IL1RAPL1: variants seen among roughly 807,000 people sequenced by gnomAD.
IL1RAPL1 encodes the protein interleukin-1 receptor accessory protein-like 1.
Under a neutral mutation model 48.4 loss-of-function variants are expected in IL1RAPL1, and 3 were observed. The observed-to-expected ratio is 0.06, with a 90% CI of 0.03 to 0.16. The LOEUF (loss-of-function observed/expected upper bound fraction) is 0.16, where lower values mean the gene tolerates loss of function less well. Among genes scored for constraint, IL1RAPL1 ranks in the 10% least tolerant of loss-of-function variants. IL1RAPL1 has a pLI of 1.00. For missense variants in IL1RAPL1, 349 were observed against 530.6 expected, an observed-to-expected ratio of 0.66 and a Z score of 3.36; for synonymous variants, 185 against 187.7, an observed-to-expected ratio of 0.99 and a Z score of 0.12.
intron 5 of IL1RAPL1, among the ~76,000 whole-genome samples, chrX:29,495,096 A>G (rs1475224091): frequency 8.9e-6 from 1 of 112,223 alleles, no homozygotes; most frequent in Non-Finnish European, 1.9e-5. Flanking sequence ...AGGTCTTTCA[A>G]TTCCCAGCTC....
intron 2 of IL1RAPL1, among the ~76,000 whole-genome samples, chrX:28,904,493 C>T (rs1018784419): frequency 6.2e-5 from 7 of 112,044 alleles, no homozygotes; most frequent in Non-Finnish European, 9.4e-5. Context: ...CACAATAAAT[C>T]ATTATTATCA....
At chrX:28,798,549 AC>A (rs1936639893) in intron 2 of IL1RAPL1, among the ~76,000 whole-genome samples, 1 of 111,633 alleles carries the variant, frequency 9.0e-6, no homozygotes. Flanking sequence ...TTGGAAACGT[AC>A]CTTTTGCCAT....
At chrX:29,551,939 A>G (rs1256639673) in intron 5 of IL1RAPL1, among the ~76,000 whole-genome samples, 1 of 111,330 alleles carries the variant, frequency 9.0e-6, no homozygotes, top group Non-Finnish European at 1.9e-5. Flanking sequence ...CTTAACACAT[A>G]TTGCAGGAAG....
In IL1RAPL1 at chrX:29,028,651, T is replaced by C. The variant is rs141295059; in HGVS notation, c.82+239226T>C. ...ACATATGAGTGAGATCGTTGGCATA[T>C]TTGTATTTCTGTCGCTGATTTTTTT... On this transcript the variant is annotated intron_variant, in intron 2 of 10. Coordinates refer to ENST00000378993, the MANE Select transcript of IL1RAPL1 (RefSeq NM_014271.4). 1.1e-3 allele frequency among the ~76,000 whole-genome samples: 124 copies of C among 111,422 alleles called. 1 individual carries two copies. In the East Asian group the frequency reaches 0.03, roughly 27 times the overall value.
At chrX:29,112,887 C>T (rs1236737704) in intron 2 of IL1RAPL1, among the ~76,000 whole-genome samples, 2 of 107,755 alleles carry the variant, frequency 1.9e-5, no homozygotes, top group Non-Finnish European at 3.8e-5. Context: ...GCAACCTCCG[C>T]CCCCCAGGTT....
intron 2 of IL1RAPL1, among the ~76,000 whole-genome samples, chrX:29,254,603 A>T (rs16988483): frequency 0.097 from 10,825 of 111,228 alleles, 1,304 homozygotes; most frequent in African/African-American, 0.34. Flanking sequence ...GTATGCATTT[A>T]TACAGTGGAC....
At chrX:29,448,165 G>T (rs1240206236) in intron 5 of IL1RAPL1, among the ~76,000 whole-genome samples, 1 of 111,437 alleles carries the variant, frequency 9.0e-6, no homozygotes, top group Non-Finnish European at 1.9e-5. Flanking sequence ...CAAAACACTT[G>T]ATTTAGAAAG....
intron 6 of IL1RAPL1, among the ~76,000 whole-genome samples, chrX:29,795,254 C>A (rs779562689): frequency 2.1e-4 from 24 of 111,728 alleles, no homozygotes; most frequent in African/African-American, 7.8e-4. Flanking sequence ...TTACCTATCT[C>A]TATACACATA....
intron 2 of IL1RAPL1, among the ~76,000 whole-genome samples, chrX:28,842,115 T>C (rs1601927192): frequency 9.1e-6 from 1 of 110,082 alleles, no homozygotes; most frequent in Admixed American, 9.7e-5. Context: ...TCAATACTTA[T>C]GAACATTTTA....
chrX:29,085,963 G>A (rs758260869), intron 2 of IL1RAPL1, among the ~76,000 whole-genome samples: 1 of 112,196 alleles, frequency 8.9e-6, no homozygotes, highest in Non-Finnish European at 1.9e-5. Flanking sequence ...CAGTCACTGT[G>A]TTTGATATAT....
intron 1 of IL1RAPL1, among the ~76,000 whole-genome samples, chrX:28,753,501 G>A (rs1936068173): frequency 8.9e-6 from 1 of 112,018 alleles, no homozygotes; most frequent in Admixed American, 9.5e-5. Context: ...TAGGCATTGT[G>A]ATTTCACCTA....
chrX:29,240,729 A>C (rs1451287598), intron 2 of IL1RAPL1, among the ~76,000 whole-genome samples: 2 of 111,789 alleles, frequency 1.8e-5, no homozygotes, highest in African/African-American at 6.5e-5. Flanking sequence ...TTTTTGTCCA[A>C]CTGCTTTTTT....
intron 1 of IL1RAPL1, among the ~76,000 whole-genome samples, chrX:28,695,132 T>C (rs1354814900): frequency 9.0e-6 from 1 of 111,725 alleles, no homozygotes; most frequent in African/African-American, 3.3e-5. Flanking sequence ...CCATTGTCAT[T>C]TGACAAACAG....
At chrX:28,668,527 G>T (rs1168611065) in intron 1 of IL1RAPL1, among the ~76,000 whole-genome samples, 1 of 113,360 alleles carries the variant, frequency 8.8e-6, no homozygotes, top group African/African-American at 3.2e-5. Flanking sequence ...CGAAGTGCTC[G>T]GGCTATAGGC....
At chrX:29,060,863 A>G (rs1031520290) in intron 2 of IL1RAPL1, among the ~76,000 whole-genome samples, 2 of 112,193 alleles carry the variant, frequency 1.8e-5, no homozygotes, top group Non-Finnish European at 3.8e-5. Context: ...TTATTTTGAT[A>G]GTAGTTATTT....
chrX:29,006,647 A>G (rs868809313), intron 2 of IL1RAPL1, among the ~76,000 whole-genome samples: 1,864 of 76,923 alleles, frequency 0.024, 35 homozygotes, highest in African/African-American at 0.063. Context: ...GTTTATATAT[A>G]TGTGTGTGTG....
rs1384545688 is a variant in IL1RAPL1, at chrX:28,963,472, TACATA to T, written c.82+174048_82+174052del. On this transcript the variant is annotated intron_variant, in intron 2 of 10. Coordinates refer to ENST00000378993, the MANE Select transcript of IL1RAPL1 (RefSeq NM_014271.4). ...ATCTGTAATTGATATCAATAATTAA[TACATA>T]GAAATTAATAAATATATATACAAGT... Among the ~76,000 whole-genome samples the T allele has an allele frequency of 2.5e-4, 28 of 111,427 alleles. No individual in the cohort carries two copies. In the South Asian group the frequency reaches 0.01, roughly 42 times the overall value.
rs180930821 is a variant in IL1RAPL1 at position 29,282,932 on chromosome X, C to T, written c.83-6C>T. The T allele has an allele frequency of 1.6e-4, 193 of 1,207,648 alleles. No individual in the cohort carries two copies. In the African/African-American group the frequency reaches 2.6e-3, roughly 16 times the overall value. ...CTCTCTTTCTCTGTCTCTTTTTTTA[C>T]GATAGCCGATGGATGCACTGACTGG... On this transcript the variant is annotated splice_region_variant and splice_polypyrimidine_tract_variant and intron_variant, in intron 2 of 10. Coordinates refer to ENST00000378993, the MANE Select transcript of IL1RAPL1 (RefSeq NM_014271.4).
At chrX:29,645,517 C>T (rs1270311680) in intron 5 of IL1RAPL1, among the ~76,000 whole-genome samples, 2 of 105,378 alleles carry the variant, frequency 1.9e-5, no homozygotes, top group Non-Finnish European at 3.8e-5. Context: ...GTCAGAATTC[C>T]ATGACCACTG....
Sources: gnomAD v4.1 joint callset for allele counts (sites outside exome capture counted in the v4.1 genomes callset) on GRCh38, gnomAD v4.1.1 for gene constraint, MANE v1.5 for transcripts, NCBI Gene and HGNC (gene_info 2026-07-23, HGNC 2026-07-21) for gene names.